Variants in ADNP observed in about 807,000 individuals in gnomAD.
ADNP encodes activity dependent neuroprotector homeobox.
Under a neutral mutation model 84.9 loss-of-function variants are expected in ADNP, and 4 were observed. That is an observed-to-expected ratio of 0.05 (90% confidence interval 0.02 to 0.11). The LOEUF is 0.11. ADNP is among the 10% of genes least tolerant of loss of function. ADNP has a pLI of 1.00. For missense variants in ADNP, 1,132 were observed against 1,326.0 expected (o/e 0.85, Z 2.27); for synonymous variants, 554 against 468.1 (o/e 1.18, Z -2.37).
chr20:50,891,209 G>A lies in ADNP; in HGVS notation c.*196C>T. On this transcript the variant is annotated 3_prime_UTR_variant, in exon 6 of 6. Transcript: ENST00000621696. ...TTTTTCACATTTAGTTACCGTGTCT[G>A]TCAGAGAAGGTTCTGAAGCAAGAAC... is the stretch of plus-strand genomic sequence containing the variant. 1 of 1,332,952 alleles carries A rather than the reference G, an allele frequency of 7.5e-7. No homozygotes were observed. The highest frequency in any genetic ancestry group is 9.5e-7 in the Non-Finnish European group (1 of 1,047,476). The allele number at this position is 1,332,952 out of a possible 1,614,324, so 82.6% of individuals were successfully genotyped here. A position where few individuals can be genotyped will look rare whatever the true frequency, so the allele number is the denominator to read the frequency against.
rs56911332 is a variant in ADNP at position 50,913,250 on chromosome 20, C to CAAAAAAAAAAAAAAAAAAA, written c.-89-8420_-89-8402dup. 4.9e-4 allele frequency among the ~76,000 whole-genome samples: 21 copies of CAAAAAAAAAAAAAAAAAAA among 42,902 alleles called. 5 individuals carry two copies. Among genetic ancestry groups the CAAAAAAAAAAAAAAAAAAA allele is most frequent in the African/African-American group, 6.4e-4 (8 of 12,496 alleles). The allele number at this position is 42,902 out of a possible 152,430, so 28.1% of individuals were successfully genotyped here. A position where few individuals can be genotyped will look rare whatever the true frequency, so the allele number is the denominator to read the frequency against. On this transcript the variant is annotated intron_variant, in intron 2 of 5. Transcript: ENST00000621696. ...CCTGGGCAAGAGTGAGACTCTGTCT[C>CAAAAAAAAAAAAAAAAAAA]AAAAAAAAAAAAAAAAAAAAAAAAA... is the stretch of plus-strand genomic sequence containing the variant.
intron 2 of ADNP, among the ~76,000 whole-genome samples, chr20:50,920,346 C>T (rs1983871966): frequency 6.6e-6 from 1 of 150,498 alleles, no homozygotes; most frequent in Admixed American, 6.6e-5. Context: ...TTTGGGAGGC[C>T]AAGGCAGACA....
intron 2 of ADNP, chr20:50,905,663 A>G: frequency 6.6e-6 from 1 of 152,216 alleles, no homozygotes; most frequent in Non-Finnish European, 1.5e-5. Flanking sequence ...GTATTTCAAA[A>G]AAACCTTCTA....
chr20:50,896,448 G>A (rs935462165), intron 5 of ADNP, among the ~76,000 whole-genome samples: 25 of 151,972 alleles, frequency 1.6e-4, no homozygotes, highest in Non-Finnish European at 3.1e-4. Context: ...AAAATTAACC[G>A]GACGTGGTGG....
rs1346029713 is a variant in ADNP at position 50,902,208 on chromosome 20, A to G, written c.109-99T>C. 4 of 846,926 alleles carry G rather than the reference A, an allele frequency of 4.7e-6. No individual in the cohort carries two copies. In the African/African-American group the frequency reaches 6.8e-5, roughly 14 times the overall value. The allele number at this position is 846,926 out of a possible 1,614,324, so 52.5% of individuals were successfully genotyped here. A position where few individuals can be genotyped will look rare whatever the true frequency, so the allele number is the denominator to read the frequency against. ...CCTCTTAACTAAGATGGGGAGAGGC[A>G]CAGGAAAACCAACGTCAACAAGGAC... On this transcript the variant is annotated intron_variant, in intron 4 of 5. Transcript: ENST00000621696.
At chr20:50,903,729 A>G (rs1473524735) in intron 4 of ADNP, among the ~76,000 whole-genome samples, 160 bp downstream of exon 4, 1 of 152,224 alleles carries the variant, frequency 6.6e-6, no homozygotes, top group Non-Finnish European at 1.5e-5. Context: ...CATTTTAGGG[A>G]GAAAGGCACA....
intron 2 of ADNP, chr20:50,905,125 C>CTT (rs1225802126): frequency 1.3e-5 from 2 of 152,190 alleles, no homozygotes; most frequent in African/African-American, 4.8e-5. Flanking sequence ...TTCATATCAA[C>CTT]TTTCCCAAGT....
chr20:50,923,071 C>A (rs908895555), intron 2 of ADNP, among the ~76,000 whole-genome samples: 1 of 152,064 alleles, frequency 6.6e-6, no homozygotes, highest in South Asian at 2.1e-4. Flanking sequence ...TGAGACCTAA[C>A]GTACCCTATA....
chr20:50,926,821 C>T (rs538565611), intron 2 of ADNP, among the ~76,000 whole-genome samples: 1 of 151,872 alleles, frequency 6.6e-6, no homozygotes, highest in Non-Finnish European at 1.5e-5. Context: ...CTTTTTTTTA[C>T]CCTATGAAGT....
rs923813031 is a variant in ADNP, at chr20:50,890,634, A to G, written c.*771T>C. The stretch of plus-strand genomic sequence containing the variant: ...TTTAGCTTAAAAGATTTCAGAAAAC[A>G]GATCTGAAATACCAGTTTTTGTTTT... On this transcript the variant is annotated 3_prime_UTR_variant, in exon 6 of 6. Coordinates refer to ENST00000621696, the MANE Select transcript of ADNP (RefSeq NM_001282531.3). 2.0e-5 allele frequency: 3 copies of G among 152,782 alleles called. No individual in the cohort carries two copies. Among genetic ancestry groups the G allele is most frequent in the Non-Finnish European group, 4.4e-5 (3 of 68,118 alleles). The allele number at this position is 152,782 out of a possible 1,614,324, so 9.5% of individuals were successfully genotyped here. A position where few individuals can be genotyped will look rare whatever the true frequency, so the allele number is the denominator to read the frequency against.
At chr20:50,901,446 AAAATT>A (rs1375258482) in intron 5 of ADNP, among the ~76,000 whole-genome samples, 1 of 152,156 alleles carries the variant, frequency 6.6e-6, no homozygotes, top group African/African-American at 2.4e-5. Context: ...GGTAATGGTA[AAAATT>A]AAATTGACAA....
intron 5 of ADNP, among the ~76,000 whole-genome samples, chr20:50,897,251 A>G (rs1222996875): frequency 6.6e-6 from 1 of 152,206 alleles, no homozygotes; most frequent in Non-Finnish European, 1.5e-5. Flanking sequence ...ACGTGTTTTC[A>G]GACTTAAGGA....
chr20:50,890,608 T>C lies in ADNP; in HGVS notation c.*797A>G, dbSNP rs1300853650. On this transcript the variant is annotated 3_prime_UTR_variant, in exon 6 of 6. Coordinates refer to ENST00000621696, the MANE Select transcript of ADNP (RefSeq NM_001282531.3). Reference sequence around the variant, plus strand: ...CTGCAAAGTCAATTCTTGCATGTGATTTTAGCTTAAAAGATTTCAGAAAAC... The same window carrying C: ...CTGCAAAGTCAATTCTTGCATGTGACTTTAGCTTAAAAGATTTCAGAAAAC... 6.5e-6 allele frequency: 1 copy of C among 152,698 alleles called. No individual in the cohort carries two copies. Among genetic ancestry groups the C allele is most frequent in the African/African-American group, 2.4e-5 (1 of 41,474 alleles). 9.5% of individuals were successfully genotyped at this position (152,698 alleles called of 1,614,324 possible).
chr20:50,891,587 C>T lies in ADNP; in HGVS notation c.3127G>A (p.Asp1043Asn). The change falls in exon 6 of 6, where the codon GAC (aspartate) becomes AAC (asparagine). Residue 1043 changes from aspartate (D) to asparagine (N), a missense_variant. Transcript: ENST00000621696. ...GATGCATTCTTCCACTGTGACTGGT[C>T]CTTAGACCAAAACCCTTCAACTTTT... Reference protein sequence around the residue: ...YGKVEGFWSKDQSQWKNASEN... With the variant: ...YGKVEGFWSKNQSQWKNASEN... 6.2e-7 allele frequency: 1 copy of T among 1,613,324 alleles called. No homozygotes were observed. Among genetic ancestry groups the T allele is most frequent in the Non-Finnish European group, 8.5e-7 (1 of 1,180,024 alleles).
chr20:50,897,089 C>T (rs181930291), intron 5 of ADNP, among the ~76,000 whole-genome samples: 48 of 152,288 alleles, frequency 3.2e-4, no homozygotes, highest in African/African-American at 1.2e-3. Context: ...AGGCGCCCCA[C>T]CACCACGCCC....
intron 2 of ADNP, among the ~76,000 whole-genome samples, chr20:50,919,588 T>C (rs917752595): frequency 2.0e-5 from 3 of 152,220 alleles, no homozygotes; most frequent in Admixed American, 6.5e-5. Flanking sequence ...CAATAAATAT[T>C]TGCAGTAAAA....
rs56181933 is a variant in ADNP, at chr20:50,920,262, C to CAA, written c.-90+8387_-90+8388dup. 3.1e-3 allele frequency among the ~76,000 whole-genome samples: 201 copies of CAA among 64,454 alleles called. 1 individual carries two copies. Among genetic ancestry groups the CAA allele is most frequent in the Non-Finnish European group, 3.8e-3 (134 of 35,666 alleles). The allele number at this position is 64,454 out of a possible 152,430, so 42.3% of individuals were successfully genotyped here. A position where few individuals can be genotyped will look rare whatever the true frequency, so the allele number is the denominator to read the frequency against. On this transcript the variant is annotated intron_variant, in intron 2 of 5. Transcript: ENST00000621696. ...GGGCAACAGAGCGAGATTCCACCTC[C>CAA]AAAAAAAAAAAAAAAAAAAAAAGAA...
intron 2 of ADNP, among the ~76,000 whole-genome samples, chr20:50,919,891 T>C (rs1416159041): frequency 6.6e-6 from 1 of 152,118 alleles, no homozygotes; most frequent in African/African-American, 2.4e-5. Context: ...ATCTTGAATG[T>C]GAAGCTGGAG....
chr20:50,909,777 C>T (rs146824959), intron 2 of ADNP: 1 of 152,308 alleles, frequency 6.6e-6, no homozygotes, highest in Non-Finnish European at 1.5e-5. Context: ...CTCAGTTTGA[C>T]TAGTTAAGAA....
Sources: allele counts gnomAD v4.1 joint callset (sites outside exome capture counted in the v4.1 genomes callset), GRCh38; gene constraint gnomAD v4.1.1; transcripts MANE v1.5; gene names NCBI Gene and HGNC (gene_info 2026-07-23, HGNC 2026-07-21).